The following RPGRIP1L variants were observed in gnomAD, a reference collection of about 807,000 sequenced individuals.
The protein encoded by RPGRIP1L is RPGRIP1 like, also known as protein fantom.
In RPGRIP1L, 131 loss-of-function variants were observed where a neutral mutation model predicts 160.4. The observed-to-expected ratio is 0.82, with a 90% CI of 0.71 to 0.94. The LOEUF (loss-of-function observed/expected upper bound fraction) is 0.94, where lower values mean the gene tolerates loss of function less well. Ranked by LOEUF, RPGRIP1L falls within the 40% of genes least tolerant of loss-of-function variation. The pLI is 0.00. For missense variants in RPGRIP1L, 1,522 were observed against 1,535.8 expected (o/e 0.99, Z 0.15); for synonymous variants, 510 against 515.8 (o/e 0.99, Z 0.15).
intron 2 of RPGRIP1L, among the ~76,000 whole-genome samples, chr16:53,699,777 C>A: frequency 6.9e-6 from 1 of 144,016 alleles, no homozygotes; most frequent in Non-Finnish European, 1.5e-5. Context: ...GAGGTCGCGC[C>A]ACTGCACTCC....
At chr16:53,698,244 G>C (rs1438037237) in intron 2 of RPGRIP1L, among the ~76,000 whole-genome samples, 2 of 149,536 alleles carry the variant, frequency 1.3e-5, no homozygotes, top group Non-Finnish European at 3.0e-5. Context: ...CTCTCCGCCC[G>C]GCAGCCGACC....
Position 53,656,327 on chromosome 16 carries a change from G to A in RPGRIP1L, c.1699+145C>T. The stretch of plus-strand genomic sequence containing the variant: ...TAGGAATACTGCTGGAACCCAGGAG[G>A]TCAAAGCTGCATTCATGAGCTAGCT... On this transcript the variant is annotated intron_variant, in intron 14 of 26. Transcript: ENST00000647211. 4 of 757,782 alleles carry A rather than the reference G, an allele frequency of 5.3e-6. No individual in the cohort carries two copies. In the South Asian group the frequency reaches 5.7e-5, roughly 11 times the overall value. 46.9% of individuals were successfully genotyped at this position (757,782 alleles called of 1,614,324 possible).
intron 25 of RPGRIP1L, 131 bp downstream of exon 25, chr16:53,610,836 C>T (rs1358010514): frequency 8.1e-6 from 6 of 745,290 alleles, no homozygotes; most frequent in South Asian, 2.9e-5. Flanking sequence ...CGTACTCATT[C>T]GAGGGTACAG....
At position 53,703,774 on chromosome 16, in the gene RPGRIP1L, C is replaced by T. The variant is rs866287943; in HGVS notation, c.-8+29G>A. ...AGGGTCAGCAACCTCCACCCACCCT[C>T]ATCCTCCCCCATCCTCCCGGGTACT... On this transcript the variant is annotated intron_variant, in intron 1 of 26. Transcript: ENST00000647211. 28 of 338,448 alleles carry T rather than the reference C, an allele frequency of 8.3e-5. No individual in the cohort carries two copies. In the Middle Eastern group the frequency reaches 4.0e-3, roughly 48 times the overall value. The allele number at this position is 338,448 out of a possible 1,614,324, so 21.0% of individuals were successfully genotyped here. A position where few individuals can be genotyped will look rare whatever the true frequency, so the allele number is the denominator to read the frequency against.
At chr16:53,618,902 G>C (rs1423226241) in intron 24 of RPGRIP1L, 123 bp downstream of exon 24, 1 of 879,214 alleles carries the variant, frequency 1.1e-6, no homozygotes, top group Non-Finnish European at 1.8e-6. Flanking sequence ...AATCAATTCT[G>C]ACAAGACTTC....
intron 24 of RPGRIP1L, among the ~76,000 whole-genome samples, chr16:53,613,205 G>A (rs1299228425): frequency 1.3e-5 from 2 of 152,108 alleles, no homozygotes; most frequent in Admixed American, 1.3e-4. Context: ...GGATAATGCT[G>A]CTCTAAACAT....
At chr16:53,685,213 T>C (rs954041311) in intron 6 of RPGRIP1L, among the ~76,000 whole-genome samples, 7 of 152,112 alleles carry the variant, frequency 4.6e-5, no homozygotes, top group Non-Finnish European at 1.0e-4. Flanking sequence ...CAACAGATGT[T>C]GGTAAGGTTA....
intron 3 of RPGRIP1L, chr16:53,695,425 A>C (rs1970681998): frequency 1.4e-6 from 1 of 702,862 alleles, no homozygotes; most frequent in Non-Finnish European, 2.6e-6. Context: ...CCCTATTTTC[A>C]TTCTTCAATG....
chr16:53,656,439 T>G, intron 14 of RPGRIP1L, 33 bp downstream of exon 14: 1 of 1,327,438 alleles, frequency 7.5e-7, no homozygotes, highest in Non-Finnish European at 1.1e-6. Flanking sequence ...ATTCCTCTAG[T>G]TACTGTGGAC....
chr16:53,654,590 C>T (rs964018093), intron 14 of RPGRIP1L, among the ~76,000 whole-genome samples: 24 of 152,160 alleles, frequency 1.6e-4, no homozygotes, highest in Admixed American at 1.6e-3. Context: ...CATAGTAAAA[C>T]ATAACCATTT....
intron 9 of RPGRIP1L, among the ~76,000 whole-genome samples, chr16:53,666,566 A>ATGTGTGTGTGTGTG (rs112955038): frequency 3.9e-4 from 53 of 136,796 alleles, no homozygotes; most frequent in African/African-American, 1.3e-3. Flanking sequence ...GAGTACATCT[A>ATGTGTGTGTGTGTG]TGTGTGTGTG....
At chr16:53,638,029 T>A (rs191331892) in intron 20 of RPGRIP1L, among the ~76,000 whole-genome samples, 175 bp from the exon 21 acceptor site, 23 of 152,170 alleles carry the variant, frequency 1.5e-4, no homozygotes, top group African/African-American at 5.1e-4. Flanking sequence ...TGATAATATA[T>A]AGATAAATGG....
intron 22 of RPGRIP1L, 23 bp from the exon 23 acceptor site, chr16:53,622,379 A>T (rs1484285041): frequency 1.7e-6 from 1 of 605,998 alleles, no homozygotes; most frequent in African/African-American, 1.9e-5. Flanking sequence ...AAAAAAAAAA[A>T]TCTTAAGATT....
chr16:53,612,651 C>T lies in RPGRIP1L; in HGVS notation c.3617-1600G>A, dbSNP rs1395099136. Among the ~76,000 whole-genome samples, 3 of 151,936 alleles carry T rather than the reference C, an allele frequency of 2.0e-5. No homozygotes were observed. In the East Asian group the frequency reaches 5.8e-4, roughly 29 times the overall value. On this transcript the variant is annotated intron_variant, in intron 24 of 26. Coordinates refer to ENST00000647211, the MANE Select transcript of RPGRIP1L (RefSeq NM_015272.5). ...AAAAAAAAGACTGAATTTCAAATGC[C>T]AGCATCCAAATAAAGGGTCTTCCAA...
chr16:53,622,845 A>ACACACAC (rs1964827617), intron 22 of RPGRIP1L, among the ~76,000 whole-genome samples: 4 of 147,536 alleles, frequency 2.7e-5, no homozygotes, highest in African/African-American at 9.9e-5. Context: ...ACACACACAC[A>ACACACAC]AATAGCCAGG....
chr16:53,668,240 TAGA>T (rs1310006006), intron 9 of RPGRIP1L, among the ~76,000 whole-genome samples: 3 of 152,176 alleles, frequency 2.0e-5, no homozygotes, highest in Non-Finnish European at 4.4e-5. Flanking sequence ...TTATGGTTTC[TAGA>T]AGGTTACAGG....
intron 5 of RPGRIP1L, among the ~76,000 whole-genome samples, chr16:53,687,444 T>G (rs890307305): frequency 2.0e-5 from 3 of 152,154 alleles, no homozygotes; most frequent in African/African-American, 7.2e-5. Flanking sequence ...GAAATCCATA[T>G]GTATCTGATA....
At chr16:53,616,507 G>C (rs1226612102) in intron 24 of RPGRIP1L, among the ~76,000 whole-genome samples, 2 of 152,054 alleles carry the variant, frequency 1.3e-5, no homozygotes, top group African/African-American at 4.8e-5. Flanking sequence ...ACATTAGTTT[G>C]CTTCTAAGCA....
At chr16:53,687,403 A>G (rs550564175) in intron 5 of RPGRIP1L, among the ~76,000 whole-genome samples, 2 of 152,302 alleles carry the variant, frequency 1.3e-5, no homozygotes, top group South Asian at 4.1e-4. Context: ...TGAAGAATGC[A>G]GTGCCATAGA....
Sources: gnomAD v4.1 joint callset for allele counts (sites outside exome capture counted in the v4.1 genomes callset) on GRCh38, gnomAD v4.1.1 for gene constraint, MANE v1.5 for transcripts, NCBI Gene and HGNC (gene_info 2026-07-23, HGNC 2026-07-21) for gene names.